Variants in KCNMA1 observed in about 807,000 individuals in gnomAD.
KCNMA1 encodes Calcium-activated potassium channel subunit alpha-1.
A neutral mutation model predicts 140.0 loss-of-function variants in KCNMA1; 29 were observed. The observed-to-expected ratio is 0.21, with a 90% CI of 0.15 to 0.28. KCNMA1 has a LOEUF of 0.28. Among genes scored for constraint, KCNMA1 ranks in the 10% least tolerant of loss-of-function variants. The probability of loss-of-function intolerance (pLI) is 1.00; values close to 1 mark genes in which losing one functional copy is unlikely to be tolerated. For synonymous variants in KCNMA1, 612 were observed against 611.9 expected (o/e 1.00, Z 0.00); for missense variants, 880 against 1,602.2 (o/e 0.55, Z 7.70).
intron 1 of KCNMA1, among the ~76,000 whole-genome samples, chr10:77,569,741 C>T (rs986714346): frequency 6.6e-6 from 1 of 152,206 alleles, no homozygotes; most frequent in African/African-American, 2.4e-5. Flanking sequence ...CAGATGGGAT[C>T]TAATTAAACT....
intron 1 of KCNMA1, among the ~76,000 whole-genome samples, chr10:77,460,717 A>G (rs1444222273): frequency 6.6e-6 from 1 of 152,214 alleles, no homozygotes; most frequent in Non-Finnish European, 1.5e-5. Context: ...GTCACTTATA[A>G]GTGGGAGCTA....
intron 1 of KCNMA1, among the ~76,000 whole-genome samples, chr10:77,412,331 A>T (rs2096637778): frequency 6.6e-6 from 1 of 152,172 alleles, no homozygotes; most frequent in African/African-American, 2.4e-5. Context: ...TGAGTTACTC[A>T]TTCCATCTGC....
intron 1 of KCNMA1, among the ~76,000 whole-genome samples, chr10:77,507,516 A>G (rs2046589735): frequency 6.6e-6 from 1 of 152,202 alleles, no homozygotes; most frequent in African/African-American, 2.4e-5. Flanking sequence ...TTATCCATGA[A>G]CTGACTGTTC....
At chr10:77,088,722 C>G (rs565416356) in intron 10 of KCNMA1, among the ~76,000 whole-genome samples, 2 of 152,218 alleles carry the variant, frequency 1.3e-5, no homozygotes, top group African/African-American at 2.4e-5. Flanking sequence ...AGCAACCACA[C>G]CTTACCAGCT....
At chr10:77,580,129 C>G (rs1485588299) in intron 1 of KCNMA1, among the ~76,000 whole-genome samples, 1 of 152,128 alleles carries the variant, frequency 6.6e-6, no homozygotes, top group East Asian at 1.9e-4. Flanking sequence ...TGCCTGTAAT[C>G]CCAGCACTTT....
At chr10:77,090,733 C>T in intron 9 of KCNMA1, 3 of 585,298 alleles carry the variant, frequency 5.1e-6, no homozygotes, top group Non-Finnish European at 9.2e-6. Flanking sequence ...GGCTTCTCAC[C>T]TGATGCTGCA....
intron 3 of KCNMA1, among the ~76,000 whole-genome samples, chr10:77,192,032 T>A (rs1294121552): frequency 1.3e-5 from 2 of 152,258 alleles, no homozygotes; most frequent in East Asian, 3.9e-4. Flanking sequence ...AACAACTCTT[T>A]AGCATCCATA....
At chr10:77,442,001 C>A (rs1268940945) in intron 1 of KCNMA1, among the ~76,000 whole-genome samples, 2 of 152,140 alleles carry the variant, frequency 1.3e-5, no homozygotes, top group Non-Finnish European at 2.9e-5. Flanking sequence ...TAGGGACAGC[C>A]CTGTCTCAAC....
At chr10:77,507,323 T>C (rs896827897) in intron 1 of KCNMA1, among the ~76,000 whole-genome samples, 1 of 152,138 alleles carries the variant, frequency 6.6e-6, no homozygotes, top group African/African-American at 2.4e-5. Flanking sequence ...TTGCGTACAA[T>C]GGAGAAGAGC....
At chr10:76,883,535 G>T (rs1412765718), downstream of KCNMA1, among the ~76,000 whole-genome samples, 1 of 152,136 alleles carries the variant, frequency 6.6e-6, no homozygotes, top group African/African-American at 2.4e-5. Context: ...GACTGAGAAG[G>T]CTTCACCGTG....
chr10:77,567,310 C>T (rs2068697831), intron 1 of KCNMA1, among the ~76,000 whole-genome samples: 1 of 152,234 alleles, frequency 6.6e-6, no homozygotes, highest in Admixed American at 6.5e-5. Flanking sequence ...CAGAACCCCG[C>T]CATCCATCAC....
intron 18 of KCNMA1, among the ~76,000 whole-genome samples, chr10:77,005,186 C>T (rs374765459): frequency 1.3e-5 from 2 of 152,070 alleles, no homozygotes; most frequent in African/African-American, 4.8e-5. Flanking sequence ...TAGCCTTTCT[C>T]CAAAAGGAGC....
intron 5 of KCNMA1, among the ~76,000 whole-genome samples, chr10:77,150,827 CACTATGTT>C: frequency 6.6e-6 from 1 of 152,274 alleles, no homozygotes; most frequent in Non-Finnish European, 1.5e-5. Flanking sequence ...TATTCCAACA[CACTATGTT>C]ACCTTAGACA....
intron 19 of KCNMA1, among the ~76,000 whole-genome samples, chr10:76,971,974 G>GGTGTGTGGGTGT (rs1555020889): frequency 6.7e-6 from 1 of 148,796 alleles, no homozygotes; most frequent in East Asian, 2.0e-4. Flanking sequence ...AGGGTGTGTG[G>GGTGTGTGGGTGT]GTGTGTGTGT....
intron 14 of KCNMA1, among the ~76,000 whole-genome samples, chr10:77,069,927 G>A (rs528066977): frequency 5.7e-4 from 86 of 152,154 alleles, no homozygotes; most frequent in African/African-American, 2.0e-3. Context: ...GCAATTCCCC[G>A]GCTTCAGCTT....
At chr10:77,019,214 C>T (rs2092544392) in intron 16 of KCNMA1, 115 bp from the exon 17 acceptor site, 1 of 695,804 alleles carries the variant, frequency 1.4e-6, no homozygotes, top group Non-Finnish European at 2.6e-6. Context: ...TAGTCTAAAG[C>T]TTTCCCCAAA....
chr10:76,935,670 G>A (rs568579313), intron 23 of KCNMA1, among the ~76,000 whole-genome samples: 46 of 152,244 alleles, frequency 3.0e-4, no homozygotes, highest in African/African-American at 1.1e-3. Context: ...CAAATTTTGA[G>A]GAGTAAACTG....
At chr10:77,183,224 C>T (rs988724222) in intron 5 of KCNMA1, among the ~76,000 whole-genome samples, 197 bp downstream of exon 5, 1 of 152,192 alleles carries the variant, frequency 6.6e-6, no homozygotes, top group Non-Finnish European at 1.5e-5. Flanking sequence ...GCCTGAAGCG[C>T]AAACTGTGCA....
At chr10:77,321,024 T>A (rs2082199768) in intron 2 of KCNMA1, among the ~76,000 whole-genome samples, 4 of 152,234 alleles carry the variant, frequency 2.6e-5, no homozygotes, top group African/African-American at 9.6e-5. Context: ...CTGACTTGTA[T>A]CCTATTCTTT....
Sources: gnomAD v4.1 joint callset for allele counts (sites outside exome capture counted in the v4.1 genomes callset) on GRCh38, gnomAD v4.1.1 for gene constraint, MANE v1.5 for transcripts, NCBI Gene and HGNC (gene_info 2026-07-23, HGNC 2026-07-21) for gene names.